Variants in UTP25 observed in about 807,000 individuals in gnomAD.
UTP25 encodes the protein U3 small nucleolar RNA-associated protein 25 homolog.
UTP25 carries 50 observed loss-of-function variants against 78.9 expected under a neutral mutation model. The ratio of observed to expected loss-of-function variants is 0.63; its 90% CI spans 0.50 to 0.80. The LOEUF (loss-of-function observed/expected upper bound fraction) is 0.80, where lower values mean the gene tolerates loss of function less well. Ranked by LOEUF, UTP25 falls within the 30% of genes least tolerant of loss-of-function variation. The pLI is 0.00. For synonymous variants in UTP25, 329 were observed against 336.5 expected, an observed-to-expected ratio of 0.98 and a Z score of 0.24; for missense variants, 846 against 911.3, an observed-to-expected ratio of 0.93 and a Z score of 0.92.
intron 1 of UTP25, 38 bp from the exon 2 acceptor site, chr1:209,830,070 C>G: frequency 6.3e-7 from 1 of 1,589,392 alleles, no homozygotes; most frequent in Non-Finnish European, 8.6e-7. Context: ...TTTCTACATA[C>G]TAGTAGTTAG....
At position 209,840,780 on chromosome 1, in the gene UTP25, T is replaced by G. The variant is rs2078162519; in HGVS notation, c.1283-73T>G. 20 of 1,445,014 alleles carry G rather than the reference T, an allele frequency of 1.4e-5. No individual in the cohort carries two copies. The South Asian group carries it at 2.3e-4, about 17-fold the overall frequency. The allele number at this position is 1,445,014 out of a possible 1,614,324, so 89.5% of individuals were successfully genotyped here. ...TGTGGAAGCAATAGAAGTGGTGGACTGCTTTGAGAGGGTGGAAGGTAATGG... is the reference window on the plus strand; with the variant it reads ...TGTGGAAGCAATAGAAGTGGTGGACGGCTTTGAGAGGGTGGAAGGTAATGG... On this transcript the variant is annotated intron_variant, in intron 7 of 11. Coordinates refer to ENST00000491415, the MANE Select transcript of UTP25 (RefSeq NM_014388.7).
rs1463967910 is a variant in UTP25, at chr1:209,855,778, G to A, written c.*4331G>A. The A allele has an allele frequency of 1.3e-5, 2 of 152,358 alleles. No homozygotes were observed. Among genetic ancestry groups the A allele is most frequent in the Non-Finnish European group, 2.9e-5 (2 of 68,154 alleles). 9.4% of individuals were successfully genotyped at this position (152,358 alleles called of 1,614,324 possible). A position where few individuals can be genotyped will look rare whatever the true frequency, so the allele number is the denominator to read the frequency against. ...TTGGCTGACCCAGAGAAGGAAAGGA[G>A]GCAGTCTGCCGCTTGGCTGATTTAG... On this transcript the variant is annotated 3_prime_UTR_variant, in exon 12 of 12. Coordinates refer to ENST00000491415, the MANE Select transcript of UTP25 (RefSeq NM_014388.7).
chr1:209,850,394 GA>G (rs1348521995), intron 11 of UTP25, among the ~76,000 whole-genome samples: 1 of 152,200 alleles, frequency 6.6e-6, no homozygotes, highest in African/African-American at 2.4e-5. Flanking sequence ...AAAAGACAAG[GA>G]AAACTTACCT....
At position 209,852,131 on chromosome 1, in the gene UTP25, C is replaced by T. The variant is rs2078244469; in HGVS notation, c.*684C>T. 1 of 152,154 alleles carries T rather than the reference C, an allele frequency of 6.6e-6. No homozygotes were observed. The allele number at this position is 152,154 out of a possible 1,614,324, so 9.4% of individuals were successfully genotyped here. On this transcript the variant is annotated 3_prime_UTR_variant, in exon 12 of 12. Coordinates refer to ENST00000491415, the MANE Select transcript of UTP25 (RefSeq NM_014388.7). ...TGTTGAAACTCCATGTTAAAATATC[C>T]ATCTTCAACAGTAGTGTCTTCATAA...
intron 4 of UTP25, 123 bp downstream of exon 4, chr1:209,833,481 G>T (rs1315112564): frequency 4.8e-6 from 4 of 836,556 alleles, no homozygotes; most frequent in Non-Finnish European, 6.9e-6. Context: ...GCTAGATCTA[G>T]AGCTGGGAAA....
chr1:209,849,009 A>C (rs1023202004), intron 11 of UTP25, among the ~76,000 whole-genome samples: 1 of 151,642 alleles, frequency 6.6e-6, no homozygotes, highest in African/African-American at 2.4e-5. Flanking sequence ...GGTTTTTCTC[A>C]GTGTCCTGAT....
Position 209,828,035 on chromosome 1 carries a change from T to G in UTP25, c.-29T>G. 1.3e-6 allele frequency: 2 copies of G among 1,589,612 alleles called. No individual in the cohort carries two copies. The highest frequency in any genetic ancestry group is 1.1e-5 in the South Asian group (1 of 90,542). Reference sequence around the variant, plus strand: ...CTTCCTGGTGGAAAACCGCGACTCTTGCAAGTGGGCAAACTTGACGTTTTC... The same window carrying G: ...CTTCCTGGTGGAAAACCGCGACTCTGGCAAGTGGGCAAACTTGACGTTTTC... On this transcript the variant is annotated 5_prime_UTR_variant, in exon 1 of 12. Transcript: ENST00000491415.
intron 3 of UTP25, among the ~76,000 whole-genome samples, chr1:209,832,580 C>T (rs568563381): frequency 5.9e-5 from 9 of 152,090 alleles, no homozygotes; most frequent in Admixed American, 3.3e-4. Context: ...GAAACAGAAC[C>T]GGTAGGATAT....
chr1:209,834,067 G>A (rs1419455799), intron 4 of UTP25, among the ~76,000 whole-genome samples: 3 of 152,118 alleles, frequency 2.0e-5, no homozygotes, highest in Non-Finnish European at 4.4e-5. Context: ...TAGTTCTGTT[G>A]GTTATTTTGC....
In UTP25 at chr1:209,852,881, C is replaced by T. The variant is rs1265744504; in HGVS notation, c.*1434C>T. On this transcript the variant is annotated 3_prime_UTR_variant, in exon 12 of 12. Coordinates refer to ENST00000491415, the MANE Select transcript of UTP25 (RefSeq NM_014388.7). The stretch of plus-strand genomic sequence containing the variant: ...ATATATTGAAAACCATGAATTCACA[C>T]CAGTACCTCCAATTCTAGTCCAACA... The T allele has an allele frequency of 2.0e-5, 3 of 152,172 alleles. No individual in the cohort carries two copies. Among genetic ancestry groups the T allele is most frequent in the Non-Finnish European group, 4.4e-5 (3 of 68,042 alleles). 9.4% of individuals were successfully genotyped at this position (152,172 alleles called of 1,614,324 possible). A position where few individuals can be genotyped will look rare whatever the true frequency, so the allele number is the denominator to read the frequency against.
At position 209,857,307 on chromosome 1, in the gene UTP25, T is replaced by G. The variant is rs953825735; in HGVS notation, c.*5860T>G. 6 of 152,114 alleles carry G rather than the reference T, an allele frequency of 3.9e-5. No homozygotes were observed. The highest frequency in any genetic ancestry group is 8.8e-5 in the Non-Finnish European group (6 of 68,034). 9.4% of individuals were successfully genotyped at this position (152,114 alleles called of 1,614,324 possible). A position where few individuals can be genotyped will look rare whatever the true frequency, so the allele number is the denominator to read the frequency against. ...CCATGTCTCCTATGAAACTTGCTTC[T>G]CCAGGCCAATCATCCTTACTTCCTT... On this transcript the variant is annotated 3_prime_UTR_variant, in exon 12 of 12. Transcript: ENST00000491415.
chr1:209,852,393 T>C lies in UTP25; in HGVS notation c.*946T>C, dbSNP rs557583114. 4.6e-5 allele frequency: 7 copies of C among 152,312 alleles called. No homozygotes were observed. Among genetic ancestry groups the C allele is most frequent in the African/African-American group, 1.7e-4 (7 of 41,558 alleles). The allele number at this position is 152,312 out of a possible 1,614,324, so 9.4% of individuals were successfully genotyped here. A position where few individuals can be genotyped will look rare whatever the true frequency, so the allele number is the denominator to read the frequency against. The stretch of plus-strand genomic sequence containing the variant: ...AGGAATGCCCCACCAATAAGGATAA[T>C]GTGAATATTTCAGAATCCAAAAAAA... On this transcript the variant is annotated 3_prime_UTR_variant, in exon 12 of 12. Transcript: ENST00000491415.
At position 209,857,421 on chromosome 1, in the gene UTP25, AAAAC is replaced by A. The variant is rs2078286231; in HGVS notation, c.*5978_*5981del. On this transcript the variant is annotated 3_prime_UTR_variant, in exon 12 of 12. Coordinates refer to ENST00000491415, the MANE Select transcript of UTP25 (RefSeq NM_014388.7). ...TCCACAAATACAAGTGAAATAGTGA[AAAAC>A]AAAAATCAAACTACATCTATTTGGT... 1 of 152,216 alleles carries A rather than the reference AAAAC, an allele frequency of 6.6e-6. No homozygotes were observed. Among genetic ancestry groups the A allele is most frequent in the Admixed American group, 6.5e-5 (1 of 15,276 alleles). 9.4% of individuals were successfully genotyped at this position (152,216 alleles called of 1,614,324 possible).
chr1:209,842,770 G>T, intron 10 of UTP25, 75 bp downstream of exon 10: 1 of 1,120,706 alleles, frequency 8.9e-7, no homozygotes, highest in South Asian at 1.4e-5. Context: ...CCTAGAATTG[G>T]ATTCCATTTT....
rs144243504 is a variant in UTP25 at position 209,836,859 on chromosome 1, A to G, written c.710A>G (p.Lys237Arg). 6.7e-5 allele frequency: 108 copies of G among 1,613,588 alleles called. No individual in the cohort carries two copies. In the African/African-American group the frequency reaches 1.2e-3, roughly 18 times the overall value. ...SSKFQKLETF[K>R]PPKDIDLKSL... ...AAGTTTCAGAAGTTGGAAACATTTA[A>G]ACCCCCAAAGGATATTGACTTAAAG... Residue 237 changes from lysine to arginine, a missense_variant, in exon 6 of 12, where the codon AAA becomes AGA. By Grantham distance (26) the Lys-to-Arg change is conservative. Coordinates refer to ENST00000491415, the MANE Select transcript of UTP25 (RefSeq NM_014388.7).
intron 11 of UTP25, among the ~76,000 whole-genome samples, chr1:209,847,450 C>T (rs998716457): frequency 1.3e-5 from 2 of 152,212 alleles, no homozygotes; most frequent in Non-Finnish European, 2.9e-5. Flanking sequence ...TCTTCATTGA[C>T]ACTTCACCCC....
chr1:209,848,846 T>G (rs1416249514), intron 11 of UTP25, among the ~76,000 whole-genome samples: 1 of 152,232 alleles, frequency 6.6e-6, no homozygotes, highest in Non-Finnish European at 1.5e-5. Flanking sequence ...TAAATAATAC[T>G]TATGTCCGGC....
intron 3 of UTP25, among the ~76,000 whole-genome samples, chr1:209,832,078 C>A (rs1227258715): frequency 4.6e-5 from 7 of 151,744 alleles, no homozygotes; most frequent in Admixed American, 3.3e-4. Context: ...CATTGACTTA[C>A]ACTTAGGAGT....
intron 11 of UTP25, among the ~76,000 whole-genome samples, chr1:209,844,995 C>T (rs148958857): frequency 1.4e-3 from 218 of 152,320 alleles, no homozygotes; most frequent in African/African-American, 4.9e-3. Flanking sequence ...TAAACAGATA[C>T]GCCAGAAATC....
Sources: gnomAD v4.1 joint callset for allele counts (sites outside exome capture counted in the v4.1 genomes callset) on GRCh38, gnomAD v4.1.1 for gene constraint, MANE v1.5 for transcripts, NCBI Gene and HGNC (gene_info 2026-07-23, HGNC 2026-07-21) for gene names.